Variants in PDE4B observed in about 807,000 individuals in gnomAD.
PDE4B encodes the protein 3',5'-cyclic-AMP phosphodiesterase 4B.
A neutral mutation model predicts 82.2 loss-of-function variants in PDE4B; 20 were observed. The observed-to-expected ratio is 0.24, with a 90% CI of 0.17 to 0.35. The LOEUF is 0.35. Ranked by LOEUF, PDE4B falls within the 10% of genes least tolerant of loss-of-function variation. PDE4B has a pLI of 1.00. For missense variants in PDE4B, 655 were observed against 907.2 expected (o/e 0.72, Z 3.57); for synonymous variants, 320 against 318.9 (o/e 1.00, Z -0.04).
At chr1:65,952,108 A>G (rs1414628579) in intron 3 of PDE4B, among the ~76,000 whole-genome samples, 1 of 151,956 alleles carries the variant, frequency 6.6e-6, no homozygotes, top group Non-Finnish European at 1.5e-5. Flanking sequence ...TCTACCCCAG[A>G]CCTATTAAAT....
intron 1 of PDE4B, among the ~76,000 whole-genome samples, chr1:65,820,173 AG>A (rs1347031154): frequency 6.6e-6 from 1 of 152,212 alleles, no homozygotes; most frequent in African/African-American, 2.4e-5. Context: ...CCCATATTGA[AG>A]GAATACAGAG....
intron 3 of PDE4B, among the ~76,000 whole-genome samples, chr1:66,130,753 G>A (rs933026751): frequency 3.3e-5 from 5 of 152,110 alleles, no homozygotes; most frequent in East Asian, 1.9e-4. Flanking sequence ...CCAGATCCTC[G>A]GTAGGCTCAC....
intron 1 of PDE4B, among the ~76,000 whole-genome samples, chr1:65,806,577 T>C (rs1225436629): frequency 6.6e-6 from 1 of 152,204 alleles, no homozygotes; most frequent in Non-Finnish European, 1.5e-5. Context: ...CCTGAGTCAC[T>C]AATATCTGTG....
chr1:65,990,347 T>C (rs1469954891), intron 3 of PDE4B, among the ~76,000 whole-genome samples: 1 of 152,160 alleles, frequency 6.6e-6, no homozygotes. Context: ...AGAAAGAAAT[T>C]CCTAAAATGC....
At chr1:66,277,053 G>T (rs1655928784) in intron 7 of PDE4B, among the ~76,000 whole-genome samples, 1 of 151,832 alleles carries the variant, frequency 6.6e-6, no homozygotes, top group African/African-American at 2.4e-5. Context: ...TATCATTCTG[G>T]GGCCTAAAGT....
intron 7 of PDE4B, among the ~76,000 whole-genome samples, chr1:66,300,498 A>G (rs952748829): frequency 6.6e-6 from 1 of 152,154 alleles, no homozygotes; most frequent in Non-Finnish European, 1.5e-5. Flanking sequence ...CATGTGAGGG[A>G]GGGCGATTTG....
At chr1:66,336,763 GATA>G (rs1387774804) in intron 8 of PDE4B, among the ~76,000 whole-genome samples, 6 of 152,198 alleles carry the variant, frequency 3.9e-5, no homozygotes, top group Non-Finnish European at 8.8e-5. Context: ...GTCGGCTACA[GATA>G]ACCATCATGA....
At chr1:66,186,194 A>T (rs909478695) in intron 3 of PDE4B, among the ~76,000 whole-genome samples, 2 of 152,080 alleles carry the variant, frequency 1.3e-5, no homozygotes, top group Non-Finnish European at 2.9e-5. Context: ...ATTGGTCTAT[A>T]TCTCTGTTTT....
At chr1:66,101,007 G>A (rs1207822661) in intron 3 of PDE4B, among the ~76,000 whole-genome samples, 2 of 152,000 alleles carry the variant, frequency 1.3e-5, no homozygotes, top group Non-Finnish European at 2.9e-5. Flanking sequence ...ACAGGCCCCA[G>A]TGTGTGATGT....
chr1:65,807,410 A>G (rs565736060), intron 1 of PDE4B, among the ~76,000 whole-genome samples: 1 of 152,250 alleles, frequency 6.6e-6, no homozygotes, highest in African/African-American at 2.4e-5. Flanking sequence ...CCATTCTCTA[A>G]TGATGAATAT....
intron 3 of PDE4B, among the ~76,000 whole-genome samples, chr1:66,011,223 C>CAAAAAAA (rs11372306): frequency 7.5e-6 from 1 of 133,778 alleles, no homozygotes. Flanking sequence ...ATTCATCTGC[C>CAAAAAAA]AAAAAAAAAA....
intron 3 of PDE4B, among the ~76,000 whole-genome samples, chr1:65,944,973 T>A (rs1269158956): frequency 6.6e-6 from 1 of 151,970 alleles, no homozygotes; most frequent in Non-Finnish European, 1.5e-5. Context: ...TCTGGGATAA[T>A]GTATCCTGAT....
intron 3 of PDE4B, among the ~76,000 whole-genome samples, chr1:65,927,478 AATATATATAATATGTATT>A (rs1333869214): frequency 6.8e-6 from 1 of 147,572 alleles, no homozygotes; most frequent in Non-Finnish European, 1.5e-5. Flanking sequence ...AATATATGTA[AATATATATAATATGTATT>A]ATATATATAA....
chr1:66,247,017 A>G (rs1653366412), intron 3 of PDE4B, among the ~76,000 whole-genome samples: 1 of 152,228 alleles, frequency 6.6e-6, no homozygotes, highest in Non-Finnish European at 1.5e-5. Context: ...CATGACAGGA[A>G]GAAGTCTTCC....
rs2050849285 is a variant in PDE4B, at chr1:66,373,288, TA to T, written c.*612del. 6.6e-6 allele frequency: 1 copy of T among 152,644 alleles called. No homozygotes were observed. The highest frequency in any genetic ancestry group is 2.1e-4 in the South Asian group (1 of 4,840). The allele number at this position is 152,644 out of a possible 1,614,324, so 9.5% of individuals were successfully genotyped here. ...CAAACAGACAGAAAGGATACACTTC[TA>T]ACCACATTTTACTTCCTTCCCCTGT... On this transcript the variant is annotated 3_prime_UTR_variant, in exon 17 of 17. Coordinates refer to ENST00000341517, the MANE Select transcript of PDE4B (RefSeq NM_002600.4).
At chr1:66,205,738 A>G (rs1401473839) in intron 3 of PDE4B, among the ~76,000 whole-genome samples, 1 of 152,202 alleles carries the variant, frequency 6.6e-6, no homozygotes. Flanking sequence ...TTCCCTTTTT[A>G]TGTCTAAAAT....
At chr1:66,239,427 C>G (rs1266826884) in intron 3 of PDE4B, among the ~76,000 whole-genome samples, 2 of 152,008 alleles carry the variant, frequency 1.3e-5, no homozygotes, top group African/African-American at 4.8e-5. Flanking sequence ...GTGGTAATTA[C>G]TATTAAATGT....
At chr1:66,333,609 C>G (rs547117880) in intron 8 of PDE4B, among the ~76,000 whole-genome samples, 1 of 152,166 alleles carries the variant, frequency 6.6e-6, no homozygotes, top group Non-Finnish European at 1.5e-5. Context: ...TATTTTGCTC[C>G]ACACCTGCCA....
In PDE4B at chr1:65,826,540, A is replaced by G. The variant is rs538994584; in HGVS notation, c.-71+33292A>G. 6.6e-5 allele frequency among the ~76,000 whole-genome samples: 10 copies of G among 152,246 alleles called. No homozygotes were observed. The East Asian group carries it at 9.6e-4, about 15-fold the overall frequency. The stretch of plus-strand genomic sequence containing the variant: ...CCTAAGAAAACTGCCCTTGTTCTCT[A>G]TAGTGCTAGCTGGGGGAAGGAATAG... On this transcript the variant is annotated intron_variant, in intron 1 of 16. Coordinates refer to ENST00000341517, the MANE Select transcript of PDE4B (RefSeq NM_002600.4).
Sources: gnomAD v4.1 joint callset for allele counts (sites outside exome capture counted in the v4.1 genomes callset) on GRCh38, gnomAD v4.1.1 for gene constraint, MANE v1.5 for transcripts, NCBI Gene and HGNC (gene_info 2026-07-23, HGNC 2026-07-21) for gene names.